The following MAP3K1 variants were observed in gnomAD, a reference collection of about 807,000 sequenced individuals.
MAP3K1 encodes MAP/ERK kinase kinase 1.
A neutral mutation model predicts 144.2 loss-of-function variants in MAP3K1; 36 were observed. The ratio of observed to expected loss-of-function variants is 0.25; its 90% confidence interval spans 0.19 to 0.33. MAP3K1 has a LOEUF of 0.33. Ranked by LOEUF, MAP3K1 falls within the 10% of genes least tolerant of loss-of-function variation. The probability of loss-of-function intolerance (pLI) is 1.00; values close to 1 mark genes in which losing one functional copy is unlikely to be tolerated. For missense variants in MAP3K1, 1,650 were observed against 1,881.9 expected (o/e 0.88, Z 2.28); for synonymous variants, 718 against 688.7 (o/e 1.04, Z -0.67).
intron 6 of MAP3K1, among the ~76,000 whole-genome samples, chr5:56,871,227 T>G (rs1747842989): frequency 6.6e-6 from 1 of 152,200 alleles, no homozygotes; most frequent in Non-Finnish European, 1.5e-5. Flanking sequence ...TTTTAAAGGC[T>G]TCAAGGTGTC....
chr5:56,846,838 T>A (rs973876404), intron 1 of MAP3K1, among the ~76,000 whole-genome samples: 2 of 152,246 alleles, frequency 1.3e-5, no homozygotes, highest in Admixed American at 6.5e-5. Flanking sequence ...TTTCTGTTCA[T>A]CTATTAACAC....
At chr5:56,852,187 G>A (rs1747195148) in intron 1 of MAP3K1, 1 of 152,076 alleles carries the variant, frequency 6.6e-6, no homozygotes, top group Admixed American at 6.6e-5. Flanking sequence ...GTATTTAAGG[G>A]GCTCCAGGAA....
At chr5:56,890,261 T>TAAC (rs1748509888) in intron 19 of MAP3K1, among the ~76,000 whole-genome samples, 1 of 152,190 alleles carries the variant, frequency 6.6e-6, no homozygotes, top group Non-Finnish European at 1.5e-5. Context: ...GATGTTATTT[T>TAAC]AAGAGTTTTG....
At chr5:56,869,545 A>T (rs1035865920) in intron 6 of MAP3K1, among the ~76,000 whole-genome samples, 7 of 152,236 alleles carry the variant, frequency 4.6e-5, no homozygotes, top group Non-Finnish European at 1.0e-4. Context: ...AAAAATTTTT[A>T]AAATATGAAA....
At chr5:56,877,228 A>G (rs139944770) in intron 10 of MAP3K1, among the ~76,000 whole-genome samples, 1 of 152,230 alleles carries the variant, frequency 6.6e-6, no homozygotes, top group Non-Finnish European at 1.5e-5. Context: ...ACCTTCAGGC[A>G]TACTTGACTA....
At chr5:56,883,222 A>C (rs567478203) in intron 14 of MAP3K1, among the ~76,000 whole-genome samples, 8 of 152,180 alleles carry the variant, frequency 5.3e-5, no homozygotes, top group Non-Finnish European at 8.8e-5. Flanking sequence ...TACTAAAATA[A>C]ACCTAATTCA....
At chr5:56,845,359 G>T (rs1746956772) in intron 1 of MAP3K1, among the ~76,000 whole-genome samples, 1 of 152,162 alleles carries the variant, frequency 6.6e-6, no homozygotes, top group Non-Finnish European at 1.5e-5. Context: ...ACTGACTTGG[G>T]ATCTTTTTAA....
At position 56,882,704 on chromosome 5, in the gene MAP3K1, A is replaced by G. The variant is rs371873794; in HGVS notation, c.3504A>G (p.Lys1168=). 1.9e-6 allele frequency: 3 copies of G among 1,613,978 alleles called. No homozygotes were observed. Among genetic ancestry groups the G allele is most frequent in the Non-Finnish European group, 2.5e-6 (3 of 1,180,010 alleles). ...PEKAENDDTY[K]DDVNHNQKCK... Reference sequence around the variant, plus strand: ...AGGCTGAAAATGATGATACCTACAAAGATGATGTGAATCATAATCAAAAGT... The same window carrying G: ...AGGCTGAAAATGATGATACCTACAAGGATGATGTGAATCATAATCAAAAGT... Residue 1168 remains lysine (K), a synonymous_variant, in exon 14 of 20, where the codon AAA becomes AAG. Transcript: ENST00000399503.
intron 1 of MAP3K1, among the ~76,000 whole-genome samples, chr5:56,854,935 G>A (rs1158678499): frequency 6.6e-6 from 1 of 152,168 alleles, no homozygotes; most frequent in African/African-American, 2.4e-5. Context: ...ACTGGAGGGG[G>A]AAAGCGCTTT....
chr5:56,877,960 A>G (rs1748091383), intron 10 of MAP3K1, among the ~76,000 whole-genome samples: 1 of 152,084 alleles, frequency 6.6e-6, no homozygotes, highest in Non-Finnish European at 1.5e-5. Flanking sequence ...ATGTTTTCTC[A>G]TGATTAGATG....
chr5:56,816,324 C>T (rs1745967012), intron 1 of MAP3K1, among the ~76,000 whole-genome samples: 2 of 152,156 alleles, frequency 1.3e-5, no homozygotes, highest in South Asian at 2.1e-4. Context: ...TGCGGGGAAC[C>T]GTTGCGAAAA....
intron 1 of MAP3K1, among the ~76,000 whole-genome samples, chr5:56,834,829 G>T (rs1746597756): frequency 6.6e-6 from 1 of 152,022 alleles, no homozygotes; most frequent in South Asian, 2.1e-4. Context: ...TCCTGAAAAT[G>T]ATTTTGTTGT....
chr5:56,860,554 C>G (rs1747475247), intron 3 of MAP3K1, among the ~76,000 whole-genome samples: 1 of 152,130 alleles, frequency 6.6e-6, no homozygotes, highest in Admixed American at 6.6e-5. Context: ...ACTGTCACTT[C>G]AAGGAAAGCA....
chr5:56,845,756 T>A (rs1203146170), intron 1 of MAP3K1, among the ~76,000 whole-genome samples: 1 of 152,198 alleles, frequency 6.6e-6, no homozygotes, highest in Non-Finnish European at 1.5e-5. Context: ...TTTCCTCAAG[T>A]ACCAAGGACA....
Position 56,864,986 on chromosome 5 carries a change from C to A in MAP3K1, c.1035+52C>A, listed in dbSNP as rs763158882. ...TATTAGTAGTAGTATATGGTACTAC[C>A]TCAAATTTATATACTATAATGTTCT... is the stretch of plus-strand genomic sequence containing the variant. On this transcript the variant is annotated intron_variant, in intron 4 of 19. Transcript: ENST00000399503. 5.5e-6 allele frequency: 8 copies of A among 1,456,796 alleles called. No individual in the cohort carries two copies. The Admixed American group carries it at 1.0e-4, about 18-fold the overall frequency. 90.2% of individuals were successfully genotyped at this position (1,456,796 alleles called of 1,614,324 possible).
Position 56,887,770 on chromosome 5 carries a change from T to A in MAP3K1, c.4257+250T>A, listed in dbSNP as rs1199736288. 9 of 505,934 alleles carry A rather than the reference T, an allele frequency of 1.8e-5. No homozygotes were observed. The East Asian group carries it at 3.2e-4, about 18-fold the overall frequency. The allele number at this position is 505,934 out of a possible 1,614,324, so 31.3% of individuals were successfully genotyped here. ...TACTAATAAAGAATTCTGGGGTAAT[T>A]TATAGCAGTTGTTTTGTAATAAACT... On this transcript the variant is annotated intron_variant, in intron 18 of 19. Transcript: ENST00000399503.
intron 1 of MAP3K1, among the ~76,000 whole-genome samples, chr5:56,849,688 AC>A (rs1747109699): frequency 6.6e-6 from 1 of 152,226 alleles, no homozygotes; most frequent in Non-Finnish European, 1.5e-5. Context: ...GTTGGCAAAG[AC>A]AGTATGTCTC....
chr5:56,886,127 G>A lies in MAP3K1; in HGVS notation c.4114+64G>A, dbSNP rs1190609277. ...AAATTAATTTTAAAATTTGGGGCCA[G>A]GCACAGTGGCTCACACCTGTAATCC... On this transcript the variant is annotated intron_variant, in intron 17 of 19. Transcript: ENST00000399503. 2.2e-6 allele frequency: 3 copies of A among 1,335,028 alleles called. No homozygotes were observed. The African/African-American group carries it at 4.4e-5, about 20-fold the overall frequency. 82.7% of individuals were successfully genotyped at this position (1,335,028 alleles called of 1,614,324 possible).
Position 56,857,944 on chromosome 5 carries a change from G to T in MAP3K1, c.633+1194G>T, listed in dbSNP as rs74806958. ...TACCAGCACTTGGTAAGTTATTATGGGCCCGTGAGTCCTTGTCTTTACAGC... is the reference window on the plus strand; with the variant it reads ...TACCAGCACTTGGTAAGTTATTATGTGCCCGTGAGTCCTTGTCTTTACAGC... On this transcript the variant is annotated intron_variant, in intron 2 of 19. Transcript: ENST00000399503. Among the ~76,000 whole-genome samples, 213 of 152,188 alleles carry T rather than the reference G, an allele frequency of 1.4e-3. 5 individuals are homozygous for T. In the East Asian group the frequency reaches 0.036, roughly 26 times the overall value.
Sources: allele counts gnomAD v4.1 joint callset (sites outside exome capture counted in the v4.1 genomes callset), GRCh38; gene constraint gnomAD v4.1.1; transcripts MANE v1.5; gene names NCBI Gene and HGNC (gene_info 2026-07-23, HGNC 2026-07-21).